LRRC4C: variants seen among roughly 807,000 people sequenced by gnomAD.
LRRC4C encodes the protein leucine-rich repeat-containing protein 4C.
Under a neutral mutation model 33.6 loss-of-function variants are expected in LRRC4C, and 5 were observed. That is an observed-to-expected ratio of 0.15 (90% CI 0.08 to 0.31). The LOEUF (loss-of-function observed/expected upper bound fraction) is 0.31, where lower values mean the gene tolerates loss of function less well. Ranked by LOEUF, LRRC4C falls within the 10% of genes least tolerant of loss-of-function variation. LRRC4C has a pLI of 1.00. For missense variants in LRRC4C, 560 were observed against 796.7 expected, an observed-to-expected ratio of 0.70 and a Z score of 3.58; for synonymous variants, 329 against 302.0, an observed-to-expected ratio of 1.09 and a Z score of -0.93.
rs148052825 is a variant in LRRC4C at position 40,261,057 on chromosome 11, T to A, written c.-175-19459A>T. On this transcript the variant is annotated intron_variant, in intron 4 of 6. Coordinates refer to ENST00000528697, the MANE Select transcript of LRRC4C (RefSeq NM_001258419.2). ...CACCATATTCAGCTAATTTTTAAACTTTTGTTGTAGAGTAGGTATCACTAT... is the reference window on the plus strand; with the variant it reads ...CACCATATTCAGCTAATTTTTAAACATTTGTTGTAGAGTAGGTATCACTAT... Among the ~76,000 whole-genome samples, 11 of 152,144 alleles carry A rather than the reference T, an allele frequency of 7.2e-5. 1 individual carries two copies. In the East Asian group the frequency reaches 1.9e-3, roughly 27 times the overall value.
At position 40,673,407 on chromosome 11, in the gene LRRC4C, A is replaced by G. The variant is rs962603; in HGVS notation, c.-406-25129T>C. 6.9e-3 allele frequency among the ~76,000 whole-genome samples: 1,046 copies of G among 152,312 alleles called. 19 individuals are homozygous for G. Among genetic ancestry groups the G allele is most frequent in the African/African-American group, 0.024 (1,006 of 41,568 alleles). On this transcript the variant is annotated intron_variant, in intron 2 of 6. Coordinates refer to ENST00000528697, the MANE Select transcript of LRRC4C (RefSeq NM_001258419.2). ...TATAATAGTAACACCTAATATCGGT[A>G]TCTTATTCTACAGGCCATAAGGCAA... is the stretch of plus-strand genomic sequence containing the variant.
intron 1 of LRRC4C, among the ~76,000 whole-genome samples, chr11:41,389,437 T>A (rs1028980540): frequency 2.1e-4 from 32 of 151,666 alleles, no homozygotes; most frequent in African/African-American, 7.7e-4. Context: ...CGACTAAGTT[T>A]CAATTAAATA....
intron 1 of LRRC4C, among the ~76,000 whole-genome samples, chr11:41,196,720 G>T (rs1946194491): frequency 6.6e-6 from 1 of 152,010 alleles, no homozygotes; most frequent in Non-Finnish European, 1.5e-5. Flanking sequence ...TGAATGAATG[G>T]ATGGGTTGGT....
At chr11:40,269,096 A>C (rs555141469) in intron 4 of LRRC4C, among the ~76,000 whole-genome samples, 1 of 152,278 alleles carries the variant, frequency 6.6e-6, no homozygotes, top group African/African-American at 2.4e-5. Context: ...GAATGTATTT[A>C]AAATCTACAG....
chr11:41,151,544 G>C (rs1261900077), intron 1 of LRRC4C, among the ~76,000 whole-genome samples: 1 of 152,184 alleles, frequency 6.6e-6, no homozygotes, highest in Non-Finnish European at 1.5e-5. Context: ...AAACTTGTGA[G>C]AGAACATTGA....
At chr11:41,210,680 C>T (rs189561568) in intron 1 of LRRC4C, among the ~76,000 whole-genome samples, 1 of 152,286 alleles carries the variant, frequency 6.6e-6, no homozygotes, top group Non-Finnish European at 1.5e-5. Flanking sequence ...ATCTATTTCT[C>T]TGCCCTTCAA....
intron 1 of LRRC4C, among the ~76,000 whole-genome samples, chr11:41,373,795 A>T (rs1952839978): frequency 6.6e-6 from 1 of 152,204 alleles, no homozygotes; most frequent in Admixed American, 6.5e-5. Context: ...ACGAATTAGG[A>T]TATTAGTTTA....
intron 5 of LRRC4C, among the ~76,000 whole-genome samples, chr11:40,231,201 C>G (rs1289971089): frequency 6.6e-6 from 1 of 151,984 alleles, no homozygotes; most frequent in Non-Finnish European, 1.5e-5. Flanking sequence ...GACAGTTTGT[C>G]TCTTAAATAA....
At chr11:40,804,983 G>C (rs1378922208) in intron 2 of LRRC4C, among the ~76,000 whole-genome samples, 2 of 152,056 alleles carry the variant, frequency 1.3e-5, no homozygotes, top group Non-Finnish European at 2.9e-5. Flanking sequence ...TCTTGGCTTG[G>C]CCACCCAGTG....
At chr11:40,767,588 T>A (rs1004215844) in intron 2 of LRRC4C, among the ~76,000 whole-genome samples, 1 of 152,026 alleles carries the variant, frequency 6.6e-6, no homozygotes, top group African/African-American at 2.4e-5. Context: ...AAACAAGTCT[T>A]AGGAAATTCA....
chr11:40,575,396 A>C (rs1958151348), intron 3 of LRRC4C, among the ~76,000 whole-genome samples: 1 of 152,096 alleles, frequency 6.6e-6, no homozygotes. Context: ...TTCATGAAAA[A>C]AAAAAAGCTT....
intron 3 of LRRC4C, among the ~76,000 whole-genome samples, chr11:40,373,674 C>A (rs7111385): frequency 2.0e-5 from 3 of 152,044 alleles, no homozygotes; most frequent in Non-Finnish European, 4.4e-5. Flanking sequence ...CACTCATGAA[C>A]GGCCTGGCAC....
intron 1 of LRRC4C, among the ~76,000 whole-genome samples, chr11:41,213,939 T>C (rs1946927967): frequency 6.6e-6 from 1 of 152,226 alleles, no homozygotes; most frequent in African/African-American, 2.4e-5. Context: ...CATTTGTTCA[T>C]TCTGCTATAA....
chr11:41,169,207 G>A (rs955907748), intron 1 of LRRC4C, among the ~76,000 whole-genome samples: 2 of 152,088 alleles, frequency 1.3e-5, no homozygotes, highest in African/African-American at 2.4e-5. Flanking sequence ...CATTGCTTAT[G>A]CCATTTCTTA....
At position 41,123,256 on chromosome 11, in the gene LRRC4C, GTTTTGTTTT is replaced by G. The variant is rs1291273246; in HGVS notation, c.-495-189542_-495-189534del. Among the ~76,000 whole-genome samples, 213 of 107,136 alleles carry G rather than the reference GTTTTGTTTT, an allele frequency of 2.0e-3. 11 individuals are homozygous for G. Among genetic ancestry groups the G allele is most frequent in the African/African-American group, 6.5e-3 (165 of 25,344 alleles). The allele number at this position is 107,136 out of a possible 152,430, so 70.3% of individuals were successfully genotyped here. The stretch of plus-strand genomic sequence containing the variant: ...AAATGCTTTCTCTATCCTGAGCTAT[GTTTTGTTTT>G]TTTTTTTTTTTTTTTTTTTTTTTTT... On this transcript the variant is annotated intron_variant, in intron 1 of 6. Coordinates refer to ENST00000528697, the MANE Select transcript of LRRC4C (RefSeq NM_001258419.2).
intron 3 of LRRC4C, among the ~76,000 whole-genome samples, chr11:40,519,674 C>T (rs906144068): frequency 1.3e-5 from 2 of 152,114 alleles, no homozygotes; most frequent in Non-Finnish European, 2.9e-5. Flanking sequence ...TGTGCAATGT[C>T]AATGGAAAAC....
chr11:41,141,706 A>G (rs963186328), intron 1 of LRRC4C, among the ~76,000 whole-genome samples: 7 of 152,080 alleles, frequency 4.6e-5, no homozygotes, highest in African/African-American at 1.7e-4. Context: ...CACCCTGTGA[A>G]GAGGTGCCTC....
chr11:40,700,955 A>C lies in LRRC4C; in HGVS notation c.-406-52677T>G, dbSNP rs186626169. 4.4e-4 allele frequency among the ~76,000 whole-genome samples: 67 copies of C among 152,302 alleles called. 1 individual carries two copies. In the East Asian group the frequency reaches 0.012, roughly 27 times the overall value. On this transcript the variant is annotated intron_variant, in intron 2 of 6. Coordinates refer to ENST00000528697, the MANE Select transcript of LRRC4C (RefSeq NM_001258419.2). ...GCTCTTTCCAACTCACTCCCCTCAA[A>C]GAAACTGGAGAGTACATATTTTCGT...
intron 3 of LRRC4C, among the ~76,000 whole-genome samples, chr11:40,572,595 G>A (rs1958026820): frequency 6.6e-6 from 1 of 152,194 alleles, no homozygotes; most frequent in Admixed American, 6.6e-5. Flanking sequence ...ACATGTATCA[G>A]AAGTGAGTTA....
Sources: gnomAD v4.1 joint callset for allele counts (sites outside exome capture counted in the v4.1 genomes callset) on GRCh38, gnomAD v4.1.1 for gene constraint, MANE v1.5 for transcripts, NCBI Gene and HGNC (gene_info 2026-07-23, HGNC 2026-07-21) for gene names.